The following AKNA variants were observed in gnomAD, a reference collection of about 807,000 sequenced individuals.
AKNA encodes the protein AT-hook transcription factor, also known as microtubule organization protein AKNA.
In AKNA, 67 loss-of-function variants were observed where a neutral mutation model predicts 138.8. The ratio of observed to expected loss-of-function variants is 0.48; its 90% CI spans 0.40 to 0.59. The LOEUF is 0.59. Among genes scored for constraint, AKNA ranks in the 20% least tolerant of loss-of-function variants. AKNA has a pLI of 0.00. For synonymous variants in AKNA, 737 were observed against 754.4 expected (o/e 0.98, Z 0.38); for missense variants, 1,813 against 1,880.4 (o/e 0.96, Z 0.66).
intron 8 of AKNA, 34 bp from the exon 9 acceptor site, chr9:114,361,945 A>C: frequency 6.3e-7 from 1 of 1,595,706 alleles, no homozygotes; most frequent in Non-Finnish European, 8.5e-7. Context: ...CAGGAGCCCA[A>C]GATGGCAGCT....
At position 114,357,040 on chromosome 9, in the gene AKNA, G is replaced by A. The variant is rs537164979; in HGVS notation, c.2740-71C>T. The A allele has an allele frequency of 3.2e-5, 45 of 1,422,022 alleles. 1 individual carries two copies. The highest frequency in any genetic ancestry group is 3.5e-4 in the Middle Eastern group (2 of 5,642). 88.1% of individuals were successfully genotyped at this position (1,422,022 alleles called of 1,614,324 possible). A position where few individuals can be genotyped will look rare whatever the true frequency, so the allele number is the denominator to read the frequency against. On this transcript the variant is annotated intron_variant, in intron 12 of 21. Transcript: ENST00000374088. ...CACACTGGGAAGCCCTTCCCAAATC[G>A]TGGCCTGGCCTCACCTCCCAGAGGC...
chr9:114,367,287 A>T (rs745590012), intron 6 of AKNA, among the ~76,000 whole-genome samples: 2 of 152,068 alleles, frequency 1.3e-5, no homozygotes, highest in East Asian at 1.9e-4. Flanking sequence ...TCCAAGCACA[A>T]GTGGAGGGAT....
In AKNA at chr9:114,350,907, C is replaced by T. The variant is rs775868517; in HGVS notation, c.3173G>A (p.Gly1058Glu). The change falls in exon 15 of 22, where the codon GGA becomes GAA. Residue 1058 changes from glycine to glutamate, a missense_variant. Transcript: ENST00000374088. ...PAPAAAPLPC[G>E]PTETIPSFLL... Reference sequence around the variant, plus strand: ...GAAGCTGGGGATGGTCTCTGTTGGTCCACAGGGTAGAGGCGCAGCGGCAGG... The same window carrying T: ...GAAGCTGGGGATGGTCTCTGTTGGTTCACAGGGTAGAGGCGCAGCGGCAGG... 3.7e-6 allele frequency: 6 copies of T among 1,605,768 alleles called. No individual in the cohort carries two copies. The East Asian group carries it at 8.9e-5, about 24-fold the overall frequency.
At chr9:114,383,947 C>T (rs1307658151) in intron 1 of AKNA, among the ~76,000 whole-genome samples, 2 of 152,294 alleles carry the variant, frequency 1.3e-5, no homozygotes, top group East Asian at 3.9e-4. Flanking sequence ...CAGAGCCCTA[C>T]AATTTCCTCC....
Position 114,368,430 on chromosome 9 carries a change from C to A in AKNA, c.1573+9G>T. The A allele has an allele frequency of 3.0e-6, 4 of 1,316,148 alleles. No homozygotes were observed. The highest frequency in any genetic ancestry group is 3.9e-6 in the Non-Finnish European group (4 of 1,024,076). 81.5% of individuals were successfully genotyped at this position (1,316,148 alleles called of 1,614,324 possible). A position where few individuals can be genotyped will look rare whatever the true frequency, so the allele number is the denominator to read the frequency against. Reference sequence around the variant, plus strand: ...GAGCCTCCAGCTGCAGCTCTTCTCCCGGACTCACCTGAGGCCGCAGAGGCC... The same window carrying A: ...GAGCCTCCAGCTGCAGCTCTTCTCCAGGACTCACCTGAGGCCGCAGAGGCC... On this transcript the variant is annotated intron_variant, in intron 5 of 21. Transcript: ENST00000374088.
chr9:114,357,302 G>A (rs1282662904), intron 12 of AKNA, among the ~76,000 whole-genome samples: 1 of 152,244 alleles, frequency 6.6e-6, no homozygotes, highest in African/African-American at 2.4e-5. Context: ...GTGTCTCCTG[G>A]CTTAGGCCTG....
At chr9:114,355,063 T>C (rs1831394946) in intron 14 of AKNA, among the ~76,000 whole-genome samples, 1 of 151,550 alleles carries the variant, frequency 6.6e-6, no homozygotes, top group Non-Finnish European at 1.5e-5. Flanking sequence ...TTAATAGAGA[T>C]GGGGTTTTGT....
At position 114,337,230 on chromosome 9, in the gene AKNA, G is replaced by A. The variant is rs954709306; in HGVS notation, c.4144C>T (p.Arg1382Trp). 7.6e-6 allele frequency: 12 copies of A among 1,576,394 alleles called. No homozygotes were observed. Among genetic ancestry groups the A allele is most frequent in the East Asian group, 2.3e-5 (1 of 43,756 alleles). The change falls in exon 22 of 22, where the codon CGG becomes TGG. Residue 1382 changes from arginine to tryptophan, a missense_variant. Coordinates refer to ENST00000374088, the MANE Select transcript of AKNA (RefSeq NM_001317950.2). ...WPPTASPPPA[R>W]RHRHSIQLDL... Reference sequence around the variant, plus strand: ...AGCTGGATGGAGTGCCGGTGTCTCCGGGCTGGTGGGGGAGAGGCTGTGGGC... The same window carrying A: ...AGCTGGATGGAGTGCCGGTGTCTCCAGGCTGGTGGGGGAGAGGCTGTGGGC...
chr9:114,377,216 C>A lies in AKNA; in HGVS notation c.591G>T (p.Pro197=). The A allele has an allele frequency of 4.3e-6, 7 of 1,614,128 alleles. No homozygotes were observed. The highest frequency in any genetic ancestry group is 5.9e-6 in the Non-Finnish European group (7 of 1,180,018). The part of the protein sequence containing the change: ...SEVNPSVELS[P]ARSWSSGTVS... ...CTGTCCCACTGCTCCAGGACCTTGC[C>A]GGGCTGAGTTCAACGGATGGGTTGA... Residue 197 remains proline (P), a synonymous_variant, in exon 3 of 22, where the codon CCG becomes CCT. Coordinates refer to ENST00000374088, the MANE Select transcript of AKNA (RefSeq NM_001317950.2).
chr9:114,352,308 T>C (rs1330714159), intron 14 of AKNA, among the ~76,000 whole-genome samples: 1 of 152,178 alleles, frequency 6.6e-6, no homozygotes, highest in Non-Finnish European at 1.5e-5. Context: ...ATAAAAAGTT[T>C]AATTAAAGGC....
At chr9:114,364,272 G>T (rs1451089399) in intron 7 of AKNA, among the ~76,000 whole-genome samples, 2 of 151,902 alleles carry the variant, frequency 1.3e-5, no homozygotes, top group Non-Finnish European at 2.9e-5. Context: ...TTAAATGAGG[G>T]TGATAAATGT....
At position 114,358,067 on chromosome 9, in the gene AKNA, G is replaced by C; in HGVS notation, c.2593C>G (p.Pro865Ala). ...MSGLGKAEAA[P>A]PGPGVPPHPP... ...TGGGGTGGCACGCCAGGGCCTGGAGGGGCTGCCTCAGCCTTGCCCAGGCCT... is the reference window on the plus strand; with the variant it reads ...TGGGGTGGCACGCCAGGGCCTGGAGCGGCTGCCTCAGCCTTGCCCAGGCCT... The change falls in exon 12 of 22, where the codon CCT (proline) becomes GCT (alanine). Residue 865 changes from proline to alanine, a missense_variant. Transcript: ENST00000374088. 6.2e-7 allele frequency: 1 copy of C among 1,613,562 alleles called. No individual in the cohort carries two copies. Among genetic ancestry groups the C allele is most frequent in the Non-Finnish European group, 8.5e-7 (1 of 1,179,620 alleles).
intron 1 of AKNA, among the ~76,000 whole-genome samples, chr9:114,393,168 AGGAAGCTG>A (rs1415208964): frequency 6.6e-6 from 1 of 151,100 alleles, no homozygotes; most frequent in East Asian, 2.0e-4. Flanking sequence ...TTTATAGGTG[AGGAAGCTG>A]GTTTGAACCA....
At chr9:114,356,756 G>A (rs73656047) in intron 13 of AKNA, 107 bp downstream of exon 13, 8 of 987,852 alleles carry the variant, frequency 8.1e-6, no homozygotes, top group Middle Eastern at 3.3e-4. Context: ...GAGGGCCTAC[G>A]AATGGACAGA....
Position 114,337,011 on chromosome 9 carries a change from C to G in AKNA, c.*43G>C. On this transcript the variant is annotated 3_prime_UTR_variant, in exon 22 of 22. Coordinates refer to ENST00000374088, the MANE Select transcript of AKNA (RefSeq NM_001317950.2). ...GCCCACTCCTGGCCTGGCAGGCCAC[C>G]TGCCCACCCACCCACCCATCTGCCT... The G allele has an allele frequency of 8.2e-7, 1 of 1,213,840 alleles. No individual in the cohort carries two copies. Among genetic ancestry groups the G allele is most frequent in the Non-Finnish European group, 1.1e-6 (1 of 931,084 alleles). The allele number at this position is 1,213,840 out of a possible 1,614,324, so 75.2% of individuals were successfully genotyped here.
intron 19 of AKNA, 24 bp from the exon 20 acceptor site, chr9:114,342,149 AG>A: frequency 6.6e-7 from 1 of 1,517,582 alleles, no homozygotes. Context: ...AAGAGATGTC[AG>A]GGGAGGATTA....
At chr9:114,362,105 C>T (rs1335300840) in intron 8 of AKNA, among the ~76,000 whole-genome samples, 194 bp from the exon 9 acceptor site, 1 of 152,120 alleles carries the variant, frequency 6.6e-6, no homozygotes, top group Non-Finnish European at 1.5e-5. Flanking sequence ...GAGGTCTCAG[C>T]CCAAGTCCCC....
chr9:114,355,379 G>A (rs570782926), intron 14 of AKNA, among the ~76,000 whole-genome samples: 3 of 151,650 alleles, frequency 2.0e-5, no homozygotes, highest in Non-Finnish European at 4.4e-5. Flanking sequence ...GTTTCACCAC[G>A]TTGGCCAGGC....
rs1414067968 is a variant in AKNA, at chr9:114,345,757, T to C, written c.3661+106A>G. On this transcript the variant is annotated intron_variant, in intron 18 of 21. Transcript: ENST00000374088. The stretch of plus-strand genomic sequence containing the variant: ...TTCATATCACAGAACTGATAGAAAA[T>C]GATATTTGAATGGCCCACTGGGTAT... 2.2e-5 allele frequency: 23 copies of C among 1,046,792 alleles called. 1 individual carries two copies. In the South Asian group the frequency reaches 3.5e-4, roughly 16 times the overall value. The allele number at this position is 1,046,792 out of a possible 1,614,324, so 64.8% of individuals were successfully genotyped here. A position where few individuals can be genotyped will look rare whatever the true frequency, so the allele number is the denominator to read the frequency against.
Sources: gnomAD v4.1 joint callset for allele counts (sites outside exome capture counted in the v4.1 genomes callset) on GRCh38, gnomAD v4.1.1 for gene constraint, MANE v1.5 for transcripts, NCBI Gene and HGNC (gene_info 2026-07-23, HGNC 2026-07-21) for gene names.